SLC2A9: variants seen among roughly 807,000 people sequenced by gnomAD.
SLC2A9 encodes the protein solute carrier family 2, facilitated glucose transporter member 9.
Under a neutral mutation model 50.6 loss-of-function variants are expected in SLC2A9, and 39 were observed. The ratio of observed to expected loss-of-function variants is 0.77; its 90% confidence interval spans 0.60 to 1.01. The LOEUF is 1.01. SLC2A9 is among the 50% of genes least tolerant of loss of function. SLC2A9 has a pLI of 0.00. For missense variants in SLC2A9, 686 were observed against 677.6 expected (o/e 1.01, Z -0.14); for synonymous variants, 324 against 276.9 (o/e 1.17, Z -1.69).
chr4:9,958,769 ATT>A (rs1273128300), intron 5 of SLC2A9, among the ~76,000 whole-genome samples: 1 of 152,226 alleles, frequency 6.6e-6, no homozygotes, highest in Admixed American at 6.5e-5. Flanking sequence ...GAAAAGACCC[ATT>A]TAGACGAAAG....
chr4:9,873,436 T>A (rs1733776229), intron 10 of SLC2A9, among the ~76,000 whole-genome samples: 1 of 152,208 alleles, frequency 6.6e-6, no homozygotes, highest in Non-Finnish European at 1.5e-5. Context: ...TCTTTCCCCA[T>A]CCCTTGAATC....
intron 8 of SLC2A9, among the ~76,000 whole-genome samples, chr4:9,905,123 T>C (rs1740403123): frequency 6.6e-6 from 1 of 152,250 alleles, no homozygotes; most frequent in Non-Finnish European, 1.5e-5. Context: ...CTGTGACAGC[T>C]GGCACAGTAT....
At chr4:9,944,693 A>G (rs1457211085) in intron 5 of SLC2A9, among the ~76,000 whole-genome samples, 1 of 152,202 alleles carries the variant, frequency 6.6e-6, no homozygotes, top group African/African-American at 2.4e-5. Flanking sequence ...GAGCTCAGAT[A>G]AGAGTTTACT....
intron 10 of SLC2A9, among the ~76,000 whole-genome samples, chr4:9,843,309 T>G (rs1728397777): frequency 6.6e-6 from 1 of 152,204 alleles, no homozygotes; most frequent in Non-Finnish European, 1.5e-5. Flanking sequence ...AATAATCAGG[T>G]AGCCATTACT....
intron 6 of SLC2A9, among the ~76,000 whole-genome samples, chr4:9,937,215 A>G (rs762072474): frequency 1.3e-5 from 2 of 152,206 alleles, no homozygotes; most frequent in South Asian, 2.1e-4. Flanking sequence ...TTTAAAACGA[A>G]GAAGTGTGTG....
chr4:9,846,649 C>T (rs1303699519), intron 10 of SLC2A9, among the ~76,000 whole-genome samples: 1 of 152,150 alleles, frequency 6.6e-6, no homozygotes, highest in East Asian at 1.9e-4. Flanking sequence ...CTTGATAGTG[C>T]TTACTTGGCA....
chr4:9,812,298 T>C (rs1161637420), intron 3 of SLC2A9, among the ~76,000 whole-genome samples: 2 of 152,224 alleles, frequency 1.3e-5, no homozygotes, highest in Non-Finnish European at 2.9e-5. Flanking sequence ...CGGCAACTCC[T>C]GGAGATTTAG....
chr4:9,869,438 G>A (rs1733033787), intron 10 of SLC2A9, among the ~76,000 whole-genome samples: 1 of 151,530 alleles, frequency 6.6e-6, no homozygotes, highest in Non-Finnish European at 1.5e-5. Context: ...CAGGCACAGT[G>A]TCAGTCTCCT....
At chr4:10,015,861 T>C (rs568443916) in intron 2 of SLC2A9, among the ~76,000 whole-genome samples, 1 of 152,322 alleles carries the variant, frequency 6.6e-6, no homozygotes, top group Non-Finnish European at 1.5e-5. Context: ...TTTCTGAGAA[T>C]GGAATGCGCC....
intron 6 of SLC2A9, among the ~76,000 whole-genome samples, chr4:9,941,067 A>T (rs769649716): frequency 1.3e-5 from 2 of 152,214 alleles, no homozygotes; most frequent in Non-Finnish European, 2.9e-5. Context: ...TCAAGGTCAG[A>T]CATCAGAGCT....
downstream of SLC2A9, among the ~76,000 whole-genome samples, chr4:9,779,187 C>A (rs1053546780): frequency 1.3e-5 from 2 of 152,180 alleles, no homozygotes; most frequent in African/African-American, 4.8e-5. Context: ...ATTCTTCCTG[C>A]CTGCCATACT....
chr4:9,986,284 T>C (rs1756702502), intron 3 of SLC2A9, among the ~76,000 whole-genome samples: 1 of 152,130 alleles, frequency 6.6e-6, no homozygotes, highest in Non-Finnish European at 1.5e-5. Context: ...CCGAAGACCT[T>C]TGAGAGTGGG....
chr4:9,862,690 G>T (rs188355548), intron 10 of SLC2A9, among the ~76,000 whole-genome samples: 2 of 152,012 alleles, frequency 1.3e-5, no homozygotes, highest in Non-Finnish European at 2.9e-5. Context: ...AGTCCTGCCT[G>T]CAGCGCTAGC....
At chr4:9,973,158 T>C (rs1754190356) in intron 5 of SLC2A9, among the ~76,000 whole-genome samples, 1 of 152,190 alleles carries the variant, frequency 6.6e-6, no homozygotes. Context: ...CAGAGACTAT[T>C]ATGAACACTT....
intron 2 of SLC2A9, among the ~76,000 whole-genome samples, chr4:10,003,918 G>A (rs1760311658): frequency 6.6e-6 from 1 of 152,100 alleles, no homozygotes; most frequent in Non-Finnish European, 1.5e-5. Context: ...CCTCCACAAG[G>A]GTACTATTTG....
rs538782323 is a variant in SLC2A9, at chr4:9,886,048, T to C, written c.1291+1519A>G. On this transcript the variant is annotated intron_variant, in intron 10 of 11. Transcript: ENST00000264784. Reference sequence around the variant, plus strand: ...TAGAGGGTAGGTGTGCATGTGTGTGTGAGTGTATATAGTAAATGTGTGTGT... The same window carrying C: ...TAGAGGGTAGGTGTGCATGTGTGTGCGAGTGTATATAGTAAATGTGTGTGT... 1.1e-4 allele frequency among the ~76,000 whole-genome samples: 16 copies of C among 152,298 alleles called. No individual in the cohort carries two copies. The East Asian group carries it at 2.9e-3, about 28-fold the overall frequency.
At position 9,909,462 on chromosome 4, in the gene SLC2A9, A is replaced by G. The variant is rs999303499; in HGVS notation, c.1003-1117T>C. Reference sequence around the variant, plus strand: ...GTACCTGCCACATGAGGTTAGACCTAAATCCTAATTGATGCCCATGGCATC... The same window carrying G: ...GTACCTGCCACATGAGGTTAGACCTGAATCCTAATTGATGCCCATGGCATC... On this transcript the variant is annotated intron_variant, in intron 7 of 11. Coordinates refer to ENST00000264784, the MANE Select transcript of SLC2A9 (RefSeq NM_020041.3). 2.6e-5 allele frequency among the ~76,000 whole-genome samples: 4 copies of G among 152,338 alleles called. No individual in the cohort carries two copies. In the East Asian group the frequency reaches 7.7e-4, roughly 29 times the overall value.
chr4:9,908,312 C>A lies in SLC2A9; in HGVS notation c.1036G>T (p.Ala346Ser), dbSNP rs533262270. The change falls in exon 8 of 12, where the codon GCT becomes TCT. Residue 346 changes from alanine to serine, a missense_variant. Coordinates refer to ENST00000264784, the MANE Select transcript of SLC2A9 (RefSeq NM_020041.3). The part of the protein sequence containing the change: ...WFYTNSIFGK[A>S]GIPPAKIPYV... ...GGGATCTTTGCCGGAGGGATCCCAGCTTTTCCAAAGATGCTGTTGGTATAG... is the reference window on the plus strand; with the variant it reads ...GGGATCTTTGCCGGAGGGATCCCAGATTTTCCAAAGATGCTGTTGGTATAG... 1 of 1,613,878 alleles carries A rather than the reference C, an allele frequency of 6.2e-7. No homozygotes were observed. Among genetic ancestry groups the A allele is most frequent in the Non-Finnish European group, 8.5e-7 (1 of 1,179,806 alleles).
At chr4:9,805,472 G>A (rs377613087) in intron 3 of SLC2A9, among the ~76,000 whole-genome samples, 135 of 152,262 alleles carry the variant, frequency 8.9e-4, no homozygotes, top group African/African-American at 3.1e-3. Flanking sequence ...GCTGAGGCGG[G>A]TGGATCACCT....
Sources: allele counts gnomAD v4.1 joint callset (sites outside exome capture counted in the v4.1 genomes callset), GRCh38; gene constraint gnomAD v4.1.1; transcripts MANE v1.5; gene names NCBI Gene and HGNC (gene_info 2026-07-23, HGNC 2026-07-21).